The following PON1 variants were observed in gnomAD, a reference collection of about 807,000 sequenced individuals.
PON1 encodes the protein serum paraoxonase/arylesterase 1.
Under a neutral mutation model 39.2 loss-of-function variants are expected in PON1, and 37 were observed. The observed-to-expected ratio is 0.94, with a 90% CI of 0.73 to 1.24. PON1 has a LOEUF of 1.24. PON1 is among the 50% of genes most tolerant of loss of function. PON1 has a pLI of 0.00. For missense variants in PON1, 397 were observed against 413.5 expected (o/e 0.96, Z 0.35); for synonymous variants, 148 against 152.2 (o/e 0.97, Z 0.21).
intron 1 of PON1, chr7:95,318,709 G>A (rs896337598): frequency 1.8e-4 from 52 of 285,776 alleles, no homozygotes; most frequent in Non-Finnish European, 1.0e-4. Context: ...TGGAAAGTCC[G>A]GGTAAATGGC....
chr7:95,322,330 A>ATGTG (rs3046670), intron 1 of PON1, among the ~76,000 whole-genome samples: 22 of 124,898 alleles, frequency 1.8e-4, no homozygotes, highest in African/African-American at 6.0e-4. Context: ...AAATATATGT[A>ATGTG]TGTGTGTGTG....
chr7:95,307,914 A>G (rs1383424368), intron 6 of PON1, 97 bp downstream of exon 6: 1 of 1,175,120 alleles, frequency 8.5e-7, no homozygotes, highest in Admixed American at 1.8e-5. Context: ...CTAGGGTAAC[A>G]TGTTAAAATG....
chr7:95,302,535 G>T, intron 7 of PON1: 3 of 562,706 alleles, frequency 5.3e-6, no homozygotes, highest in South Asian at 4.3e-5. Context: ...AGTTTCCAGG[G>T]CAGAATTGGG....
Position 95,299,113 on chromosome 7 carries a change from A to T in PON1, c.910-11T>A. On this transcript the variant is annotated splice_polypyrimidine_tract_variant and intron_variant, in intron 8 of 8. Coordinates refer to ENST00000222381, the MANE Select transcript of PON1 (RefSeq NM_000446.7). ...CTGGATTCGAAGCACCTGTGGAAGAAATAACATTGGGTTAATATTTTTGTT... is the reference window on the plus strand; with the variant it reads ...CTGGATTCGAAGCACCTGTGGAAGATATAACATTGGGTTAATATTTTTGTT... 1.9e-6 allele frequency: 3 copies of T among 1,613,298 alleles called. No individual in the cohort carries two copies. The highest frequency in any genetic ancestry group is 2.5e-6 in the Non-Finnish European group (3 of 1,179,208).
In PON1 at chr7:95,306,376, A is replaced by G. The variant is rs1380264299; in HGVS notation, c.699-10T>C. 1.3e-6 allele frequency: 2 copies of G among 1,567,560 alleles called. No individual in the cohort carries two copies. Among genetic ancestry groups the G allele is most frequent in the Admixed American group, 1.7e-5 (1 of 59,962 alleles). Reference sequence around the variant, plus strand: ...AGCTATATAGACATACCTTCAAAGAAGAAAGAGCTACATCAAAGTACTAGA... The same window carrying G: ...AGCTATATAGACATACCTTCAAAGAGGAAAGAGCTACATCAAAGTACTAGA... On this transcript the variant is annotated splice_polypyrimidine_tract_variant and intron_variant, in intron 6 of 8. Transcript: ENST00000222381.
At chr7:95,322,257 T>C (rs3917478) in intron 1 of PON1, among the ~76,000 whole-genome samples, 14,760 of 128,478 alleles carry the variant, frequency 0.11, 830 homozygotes, top group East Asian at 0.22. Context: ...GGACATCTGC[T>C]ATATGCCTGA....
At chr7:95,313,484 T>A (rs1807697756) in intron 4 of PON1, among the ~76,000 whole-genome samples, 1 of 152,264 alleles carries the variant, frequency 6.6e-6, no homozygotes, top group African/African-American at 2.4e-5. Context: ...TAATATTACC[T>A]CATTTTTATT....
intron 1 of PON1, among the ~76,000 whole-genome samples, chr7:95,319,635 AG>A (rs1807852530): frequency 1.3e-5 from 2 of 152,230 alleles, no homozygotes; most frequent in African/African-American, 4.8e-5. Flanking sequence ...CTTAGAAAGC[AG>A]GCTTCAAAGG....
rs111747790 is a variant in PON1, at chr7:95,318,398, G to T, written c.75-5C>A. On this transcript the variant is annotated splice_polypyrimidine_tract_variant and splice_region_variant and intron_variant, in intron 1 of 8. Coordinates refer to ENST00000222381, the MANE Select transcript of PON1 (RefSeq NM_000446.7). ...CGGAGAGCATTAAGTCGTGTTCTGT[G>T]GGGGAGAAAGAAATAAAACACACAC... The T allele has an allele frequency of 3.7e-6, 6 of 1,600,266 alleles. No homozygotes were observed. The African/African-American group carries it at 5.4e-5, about 14-fold the overall frequency.
In PON1 at chr7:95,319,617, G is replaced by A. The variant is rs78554523; in HGVS notation, c.75-1224C>T. 5.2e-4 allele frequency among the ~76,000 whole-genome samples: 79 copies of A among 152,272 alleles called. No individual in the cohort carries two copies. In the East Asian group the frequency reaches 0.015, roughly 29 times the overall value. ...GGAGACTGTGGTTTCCTGATTGATAGATGTGAACTTAGAAAGCAGGCTTCA... is the reference window on the plus strand; with the variant it reads ...GGAGACTGTGGTTTCCTGATTGATAAATGTGAACTTAGAAAGCAGGCTTCA... On this transcript the variant is annotated intron_variant, in intron 1 of 8. Coordinates refer to ENST00000222381, the MANE Select transcript of PON1 (RefSeq NM_000446.7).
chr7:95,312,264 G>A (rs1219890879), intron 4 of PON1, among the ~76,000 whole-genome samples: 1 of 152,160 alleles, frequency 6.6e-6, no homozygotes, highest in East Asian at 1.9e-4. Flanking sequence ...CGCCATCTCG[G>A]CTCACTGCAA....
At chr7:95,324,156 A>T (rs1318697368) in intron 1 of PON1, among the ~76,000 whole-genome samples, 1 of 152,214 alleles carries the variant, frequency 6.6e-6, no homozygotes, top group Non-Finnish European at 1.5e-5. Context: ...GTGTATGCTG[A>T]CAACCTGGGC....
At chr7:95,324,184 T>C (rs1394541311) in intron 1 of PON1, among the ~76,000 whole-genome samples, 1 of 152,200 alleles carries the variant, frequency 6.6e-6, no homozygotes, top group African/African-American at 2.4e-5. Context: ...CCCCTGGCAA[T>C]TGCCTCCTTA....
chr7:95,318,466 C>T, intron 1 of PON1, 73 bp from the exon 2 acceptor site: 2 of 1,368,830 alleles, frequency 1.5e-6, no homozygotes, highest in South Asian at 2.3e-5. Flanking sequence ...GGTAGGCAGT[C>T]CACAAAAGTT....
intron 1 of PON1, among the ~76,000 whole-genome samples, chr7:95,320,107 G>A (rs913178238): frequency 1.3e-5 from 2 of 152,188 alleles, no homozygotes; most frequent in Non-Finnish European, 2.9e-5. Context: ...CACAAAGACT[G>A]GCATGGAAGG....
Position 95,298,809 on chromosome 7 carries a change from A to G in PON1, c.*135T>C. 1 of 1,078,032 alleles carries G rather than the reference A, an allele frequency of 9.3e-7. No homozygotes were observed. The highest frequency in any genetic ancestry group is 1.5e-5 in the African/African-American group (1 of 64,532). The allele number at this position is 1,078,032 out of a possible 1,614,324, so 66.8% of individuals were successfully genotyped here. A position where few individuals can be genotyped will look rare whatever the true frequency, so the allele number is the denominator to read the frequency against. On this transcript the variant is annotated 3_prime_UTR_variant, in exon 9 of 9. Coordinates refer to ENST00000222381, the MANE Select transcript of PON1 (RefSeq NM_000446.7). ...CACATCATATCACTCCCAGTTAAAC[A>G]GTGCTTTGATGCTTCATGATGTCCA...
In PON1 at chr7:95,317,591, AAAG is replaced by A. The variant is rs1235255825; in HGVS notation, c.145+729_145+731del. 7.0e-3 allele frequency among the ~76,000 whole-genome samples: 529 copies of A among 75,764 alleles called. 4 individuals are homozygous for A. Among genetic ancestry groups the A allele is most frequent in the African/African-American group, 0.018 (466 of 25,736 alleles). The allele number at this position is 75,764 out of a possible 152,430, so 49.7% of individuals were successfully genotyped here. ...AAAAGAACAAAAAAAAAAAAAAAAA[AAAG>A]AAAGAAAAAGAAACACCCAAAGCAC... On this transcript the variant is annotated intron_variant, in intron 2 of 8. Coordinates refer to ENST00000222381, the MANE Select transcript of PON1 (RefSeq NM_000446.7).
intron 5 of PON1, among the ~76,000 whole-genome samples, chr7:95,310,049 T>C (rs947999284): frequency 2.0e-5 from 3 of 152,224 alleles, no homozygotes; most frequent in African/African-American, 7.2e-5. Context: ...CAAGATTAAA[T>C]GTTAAAACAC....
intron 1 of PON1, among the ~76,000 whole-genome samples, chr7:95,322,132 G>C (rs964907698): frequency 1.3e-5 from 2 of 152,044 alleles, no homozygotes; most frequent in Admixed American, 6.6e-5. Context: ...TGGAGGGTTG[G>C]AGGATTATTT....
Sources: allele counts gnomAD v4.1 joint callset (sites outside exome capture counted in the v4.1 genomes callset), GRCh38; gene constraint gnomAD v4.1.1; transcripts MANE v1.5; gene names NCBI Gene and HGNC (gene_info 2026-07-23, HGNC 2026-07-21).